The following GPD1L variants were observed in gnomAD, a reference collection of about 807,000 sequenced individuals.
The protein encoded by GPD1L is glycerol-3-phosphate dehydrogenase 1 like, also known as glycerol-3-phosphate dehydrogenase 1-like protein.
In GPD1L, 17 loss-of-function variants were observed where a neutral mutation model predicts 32.9. The ratio of observed to expected loss-of-function variants is 0.52; its 90% CI spans 0.35 to 0.78. The LOEUF is 0.78. GPD1L is among the 30% of genes least tolerant of loss of function. The probability of loss-of-function intolerance (pLI) is 0.01; values close to 1 mark genes in which losing one functional copy is unlikely to be tolerated. For missense variants in GPD1L, 361 were observed against 447.8 expected (o/e 0.81, Z 1.75); for synonymous variants, 187 against 165.9 (o/e 1.13, Z -0.98).
In GPD1L at chr3:32,165,820, A is replaced by G. The variant is rs1701138604; in HGVS notation, c.966A>G (p.Pro322=). 3 of 1,582,980 alleles carry G rather than the reference A, an allele frequency of 1.9e-6. No homozygotes were observed. Among genetic ancestry groups the G allele is most frequent in the East Asian group, 4.5e-5 (2 of 44,724 alleles). ...LKQKGLLDKF[P]LFTAVYQICY... ...CACATTTCCTCCCAACTAGGTTTCCATTGTTTACTGCAGTGTATCAGATCT... is the reference window on the plus strand; with the variant it reads ...CACATTTCCTCCCAACTAGGTTTCCGTTGTTTACTGCAGTGTATCAGATCT... The change falls in exon 8 of 8, where the codon CCA becomes CCG. Residue 322 remains proline, a synonymous_variant. Coordinates refer to ENST00000282541, the MANE Select transcript of GPD1L (RefSeq NM_015141.4).
intron 7 of GPD1L, among the ~76,000 whole-genome samples, chr3:32,160,092 C>A (rs1225801785): frequency 6.6e-6 from 1 of 151,908 alleles, no homozygotes; most frequent in Non-Finnish European, 1.5e-5. Flanking sequence ...CAACATTATA[C>A]CATTAGAAGG....
rs1310207007 is a variant in GPD1L, at chr3:32,168,464, C to A, written c.*2554C>A. 1 of 152,642 alleles carries A rather than the reference C, an allele frequency of 6.6e-6. No individual in the cohort carries two copies. Among genetic ancestry groups the A allele is most frequent in the Non-Finnish European group, 1.5e-5 (1 of 68,048 alleles). The allele number at this position is 152,642 out of a possible 1,614,324, so 9.5% of individuals were successfully genotyped here. A position where few individuals can be genotyped will look rare whatever the true frequency, so the allele number is the denominator to read the frequency against. On this transcript the variant is annotated 3_prime_UTR_variant, in exon 8 of 8. Coordinates refer to ENST00000282541, the MANE Select transcript of GPD1L (RefSeq NM_015141.4). ...TATGGAACAAATATCTGAATGAAAT[C>A]CACCCTAGGAGACGGAGTCAAACTA...
At chr3:32,123,292 A>T (rs549785624) in intron 1 of GPD1L, among the ~76,000 whole-genome samples, 113 of 152,342 alleles carry the variant, frequency 7.4e-4, no homozygotes, top group African/African-American at 2.6e-3. Flanking sequence ...GAATGAAAAC[A>T]AGACAGTGTT....
At chr3:32,126,563 G>A (rs1700510449) in intron 1 of GPD1L, among the ~76,000 whole-genome samples, 1 of 152,238 alleles carries the variant, frequency 6.6e-6, no homozygotes, top group South Asian at 2.1e-4. Context: ...TAGAATAAAG[G>A]TGGTAGTGAT....
chr3:32,165,727 G>T, intron 7 of GPD1L, 87 bp from the exon 8 acceptor site: 1 of 756,588 alleles, frequency 1.3e-6, no homozygotes, highest in Non-Finnish European at 2.4e-6. Flanking sequence ...ATACTAACCT[G>T]CAATCTGTTA....
At chr3:32,142,950 G>A (rs546032445) in intron 4 of GPD1L, among the ~76,000 whole-genome samples, 97 of 152,188 alleles carry the variant, frequency 6.4e-4, no homozygotes, top group African/African-American at 2.1e-3. Flanking sequence ...GGCTAAAGCC[G>A]AGGATCTTCT....
At chr3:32,120,772 A>G (rs1700401189) in intron 1 of GPD1L, among the ~76,000 whole-genome samples, 2 of 152,366 alleles carry the variant, frequency 1.3e-5, no homozygotes, top group South Asian at 2.1e-4. Context: ...CCCCCTTGGC[A>G]TAATAAATTT....
At chr3:32,108,898 G>A (rs1700204542) in intron 1 of GPD1L, among the ~76,000 whole-genome samples, 1 of 152,104 alleles carries the variant, frequency 6.6e-6, no homozygotes, top group South Asian at 2.1e-4. Context: ...CGCCCAGGCT[G>A]GAGTGCAGTG....
At position 32,166,114 on chromosome 3, in the gene GPD1L, A is replaced by G. The variant is rs6799559; in HGVS notation, c.*204A>G. 0.37 allele frequency: 221,878 copies of G among 605,924 alleles called. 43,917 individuals carry two copies. Among genetic ancestry groups the G allele is most frequent in the East Asian group, 0.6 (21,084 of 35,234 alleles). 37.5% of individuals were successfully genotyped at this position (605,924 alleles called of 1,614,324 possible). ...GCAGTAACTAAACACACATGCAAAC[A>G]TGTGAATGGTGGTTTATTCCTCATT... On this transcript the variant is annotated 3_prime_UTR_variant, in exon 8 of 8. Transcript: ENST00000282541.
intron 1 of GPD1L, among the ~76,000 whole-genome samples, chr3:32,116,456 C>A (rs539022115): frequency 2.0e-5 from 3 of 152,112 alleles, no homozygotes; most frequent in Non-Finnish European, 2.9e-5. Flanking sequence ...CAACCAGGAC[C>A]AGCAATGATG....
chr3:32,128,109 T>C lies in GPD1L; in HGVS notation c.81T>C (p.Asn27=), dbSNP rs34278284. 9.3e-4 allele frequency: 1,493 copies of C among 1,613,394 alleles called. 13 individuals carry two copies. The African/African-American group carries it at 0.018, about 19-fold the overall frequency. ...CTGTTGCAAAAATAATTGGTAATAA[T>C]GTCAAGAAACTTCAGAAATTTGCCT... ...GSAVAKIIGN[N]VKKLQKFAST... Residue 27 remains asparagine, a synonymous_variant, in exon 2 of 8, where the codon AAT becomes AAC. Transcript: ENST00000282541.
At chr3:32,130,871 G>T (rs1700578555) in intron 2 of GPD1L, among the ~76,000 whole-genome samples, 1 of 151,952 alleles carries the variant, frequency 6.6e-6, no homozygotes, top group African/African-American at 2.4e-5. Flanking sequence ...AAATTAGCCG[G>T]GTGTAGTGGT....
chr3:32,115,016 G>A (rs113939408), intron 1 of GPD1L, among the ~76,000 whole-genome samples: 2,143 of 152,312 alleles, frequency 0.014, 49 homozygotes, highest in African/African-American at 0.048. Flanking sequence ...TGTGAAGAGC[G>A]AAAGAACAAA....
intron 1 of GPD1L, among the ~76,000 whole-genome samples, chr3:32,111,922 C>T (rs1416300344): frequency 1.3e-5 from 2 of 151,596 alleles, no homozygotes; most frequent in Non-Finnish European, 2.9e-5. Flanking sequence ...TTGTGATTCT[C>T]ACCACACAGA....
chr3:32,109,558 G>A (rs549925980), intron 1 of GPD1L, among the ~76,000 whole-genome samples: 2 of 152,316 alleles, frequency 1.3e-5, no homozygotes, highest in South Asian at 2.1e-4. Context: ...CATTAATTAT[G>A]GGATTAGACG....
intron 5 of GPD1L, among the ~76,000 whole-genome samples, chr3:32,149,688 C>T (rs935384106): frequency 8.5e-5 from 13 of 152,230 alleles, no homozygotes; most frequent in African/African-American, 2.7e-4. Context: ...TGGCTCACAC[C>T]TGTAATCCCA....
intron 1 of GPD1L, among the ~76,000 whole-genome samples, chr3:32,123,882 G>A (rs1700465308): frequency 6.6e-6 from 1 of 151,702 alleles, no homozygotes; most frequent in Admixed American, 6.6e-5. Context: ...CTTGTGTAGT[G>A]TTACAGAAAG....
intron 5 of GPD1L, chr3:32,151,463 T>C: frequency 2.2e-6 from 1 of 447,108 alleles, no homozygotes; most frequent in East Asian, 4.0e-5. Flanking sequence ...TAAAAAAAGG[T>C]TTTTTAGCTT....
At position 32,140,368 on chromosome 3, in the gene GPD1L, T is replaced by G. The variant is rs943929226; in HGVS notation, c.505+2T>G. Reference sequence around the variant, plus strand: ...AGAAGTTCTGTGAGACCACCATCGGTAAGCACTGCCTGGGAGGGACCCCAG... The same window carrying G: ...AGAAGTTCTGTGAGACCACCATCGGGAAGCACTGCCTGGGAGGGACCCCAG... On this transcript the variant is annotated splice_donor_variant, in intron 4 of 7. Coordinates refer to ENST00000282541, the MANE Select transcript of GPD1L (RefSeq NM_015141.4). LOFTEE classifies it high-confidence loss of function. The G allele has an allele frequency of 2.5e-6, 4 of 1,613,976 alleles. No homozygotes were observed. The highest frequency in any genetic ancestry group is 1.3e-5 in the African/African-American group (1 of 74,890).
Sources: gnomAD v4.1 joint callset for allele counts (sites outside exome capture counted in the v4.1 genomes callset) on GRCh38, gnomAD v4.1.1 for gene constraint, MANE v1.5 for transcripts, NCBI Gene and HGNC (gene_info 2026-07-23, HGNC 2026-07-21) for gene names.